Variants in CRYBG2 observed in about 807,000 individuals in gnomAD.
CRYBG2 encodes the protein beta/gamma crystallin domain-containing protein 2.
CRYBG2 carries 106 observed loss-of-function variants against 153.4 expected under a neutral mutation model. The observed-to-expected ratio is 0.69, with a 90% confidence interval of 0.59 to 0.81. The LOEUF (loss-of-function observed/expected upper bound fraction) is 0.81. Among genes scored for constraint, CRYBG2 ranks in the 30% least tolerant of loss-of-function variants. The pLI, the probability that CRYBG2 is intolerant of heterozygous loss-of-function variation, is 0.00. For missense variants in CRYBG2, 1,996 were observed against 2,112.0 expected (o/e 0.95, Z 1.08); for synonymous variants, 851 against 877.8 (o/e 0.97, Z 0.54).
chr1:26,345,336 G>T lies in CRYBG2; in HGVS notation c.1322C>A (p.Ser441Tyr), dbSNP rs2074199453. ...PSPGGLSAPSSPRNKFVQNSE... is the reference protein window; with the variant it reads ...PSPGGLSAPSYPRNKFVQNSE... ...GTTCTGAACAAACTTATTCCTTGGG[G>T]ACGATGGAGCAGAAAGACCTCCTGG... Residue 441 changes from serine to tyrosine, a missense_variant, in exon 2 of 20, where the codon TCC (serine) becomes TAC (tyrosine). Coordinates refer to ENST00000308182, the MANE Select transcript of CRYBG2 (RefSeq NM_001039775.4). The T allele has an allele frequency of 4.3e-6, 7 of 1,613,418 alleles. No homozygotes were observed. The highest frequency in any genetic ancestry group is 5.9e-6 in the Non-Finnish European group (7 of 1,179,908).
Position 26,346,863 on chromosome 1 carries a change from A to T in CRYBG2, c.-55-151T>A, listed in dbSNP as rs2074229544. 6.6e-6 allele frequency among the ~76,000 whole-genome samples: 1 copy of T among 152,220 alleles called. No homozygotes were observed. The highest frequency in any genetic ancestry group is 6.5e-5 in the Admixed American group (1 of 15,286). On this transcript the variant is annotated intron_variant, in intron 1 of 19. Coordinates refer to ENST00000308182, the MANE Select transcript of CRYBG2 (RefSeq NM_001039775.4). The surrounding 1 kb of genome is among the most constrained non-coding windows in gnomAD (Gnocchi z 4.9). The stretch of plus-strand genomic sequence containing the variant: ...TTGCTTTCTCATCTGTGAAATGGGC[A>T]TGGTAGTCTCAGCTCTGATTTGGTT...
In CRYBG2 at chr1:26,344,930, G is replaced by A. The variant is rs907104906; in HGVS notation, c.1728C>T (p.Ser576=). The change falls in exon 2 of 20, where the codon TCC becomes TCT. Residue 576 remains serine, a synonymous_variant. Transcript: ENST00000308182. ...VQGSGAPAAL[S]TTPKEVVKGP... ...CCTTCACAACCTCTTTTGGGGTGGT[G>A]GACAAGGCAGCAGGAGCACCAGACC... is the stretch of plus-strand genomic sequence containing the variant. The A allele has an allele frequency of 3.9e-6, 6 of 1,537,940 alleles. No individual in the cohort carries two copies. In the African/African-American group the frequency reaches 4.2e-5, roughly 11 times the overall value.
Position 26,343,170 on chromosome 1 carries a change from A to G in CRYBG2, c.2962-11T>C, listed in dbSNP as rs1293498829. On this transcript the variant is annotated splice_polypyrimidine_tract_variant and intron_variant, in intron 3 of 19. Coordinates refer to ENST00000308182, the MANE Select transcript of CRYBG2 (RefSeq NM_001039775.4). The surrounding 1 kb of genome is among the most constrained non-coding windows in gnomAD (Gnocchi z 4.1). ...TGAGAAGAAGATCACCTGAGAAGGC[A>G]CAGAAGGGGTCCTCAGGCCCTGACC... 1.3e-6 allele frequency: 2 copies of G among 1,550,588 alleles called. No homozygotes were observed. The highest frequency in any genetic ancestry group is 3.9e-5 in the Admixed American group (2 of 50,990).
chr1:26,325,317 G>A lies in CRYBG2; in HGVS notation c.4579-1007C>T, dbSNP rs1467152511. 2.6e-5 allele frequency among the ~76,000 whole-genome samples: 4 copies of A among 152,220 alleles called. No individual in the cohort carries two copies. The highest frequency in any genetic ancestry group is 9.6e-5 in the African/African-American group (4 of 41,468). ...TCACGCCTGTAATCCCAGCACTTTG[G>A]GAGGCCAAGGCGGGTGGATCACCTG... is the stretch of plus-strand genomic sequence containing the variant. On this transcript the variant is annotated intron_variant, in intron 17 of 19. Coordinates refer to ENST00000308182, the MANE Select transcript of CRYBG2 (RefSeq NM_001039775.4). The surrounding 1 kb of genome is among the most constrained non-coding windows in gnomAD (Gnocchi z 4.1).
In CRYBG2 at chr1:26,343,616, C is replaced by T; in HGVS notation, c.2913+129G>A. 1 of 1,244,576 alleles carries T rather than the reference C, an allele frequency of 8.0e-7. No individual in the cohort carries two copies. Among genetic ancestry groups the T allele is most frequent in the Non-Finnish European group, 1.1e-6 (1 of 930,208 alleles). The allele number at this position is 1,244,576 out of a possible 1,614,324, so 77.1% of individuals were successfully genotyped here. A position where few individuals can be genotyped will look rare whatever the true frequency, so the allele number is the denominator to read the frequency against. On this transcript the variant is annotated intron_variant, in intron 2 of 19. Coordinates refer to ENST00000308182, the MANE Select transcript of CRYBG2 (RefSeq NM_001039775.4). The surrounding 1 kb of genome is among the most constrained non-coding windows in gnomAD (Gnocchi z 4.1). ...GAGAGATGTGGCTTGCACAGGTCAA[C>T]TGAACCAGACTTCAGACAGAAGCCT...
intron 18 of CRYBG2, 101 bp from the exon 19 acceptor site, chr1:26,322,424 G>C: frequency 4.4e-6 from 6 of 1,361,134 alleles, no homozygotes; most frequent in Non-Finnish European, 4.9e-6. Flanking sequence ...GGCTCTTAGG[G>C]ACTGTGGCCC....
chr1:26,344,174 C>A lies in CRYBG2; in HGVS notation c.2484G>T (p.Glu828Asp). The change falls in exon 2 of 20, where the codon GAG becomes GAT. Residue 828 changes from glutamate (E) to aspartate (D), a missense_variant. Glu to Asp is a conservative substitution (Grantham distance 45). Coordinates refer to ENST00000308182, the MANE Select transcript of CRYBG2 (RefSeq NM_001039775.4). ...GGTTCTCTGGTTCCTCCTCCTCCTC[C>A]TCCTCTTTCTCTTCCAGTGAAGGCA... ...QEVPSLEEKE[E>D]EEEEEPENPY... The A allele has an allele frequency of 6.5e-7, 1 of 1,535,680 alleles. No homozygotes were observed. Among genetic ancestry groups the A allele is most frequent in the African/African-American group, 1.4e-5 (1 of 73,134 alleles).
chr1:26,349,095 G>T (rs891305997), intron 1 of CRYBG2, among the ~76,000 whole-genome samples: 1 of 151,918 alleles, frequency 6.6e-6, no homozygotes, highest in Admixed American at 6.6e-5. Context: ...CTTGAACCTG[G>T]GGGGCGGAGG....
chr1:26,324,212 G>T lies in CRYBG2; in HGVS notation c.4677C>A (p.Ala1559=). The change falls in exon 18 of 20, where the codon GCC becomes GCA. Residue 1559 remains alanine, a synonymous_variant. Transcript: ENST00000308182. ...TGCAGCTACCTCCAGCTTGGGGGTC[G>T]GCGACCACCACACGGCCTGCTTTCA... The part of the protein sequence containing the change: ...EDMKAGRVVV[A]DPQAGGSCIW... The T allele has an allele frequency of 2.5e-6, 4 of 1,613,106 alleles. No homozygotes were observed. Among genetic ancestry groups the T allele is most frequent in the Non-Finnish European group, 2.5e-6 (3 of 1,179,938 alleles).
At chr1:26,339,201 G>A (rs995296234) in intron 6 of CRYBG2, 89 bp downstream of exon 6, 6 of 1,503,938 alleles carry the variant, frequency 4.0e-6, no homozygotes, top group Admixed American at 4.1e-5. Flanking sequence ...CACTCCTGAA[G>A]GCAGGAACTG....
chr1:26,340,861 C>T (rs895173410), intron 5 of CRYBG2, among the ~76,000 whole-genome samples: 10 of 152,000 alleles, frequency 6.6e-5, no homozygotes, highest in African/African-American at 2.4e-4. Context: ...AGGTGATCCA[C>T]CTGCCTCAGC....
chr1:26,344,293 GGGCTCGT>G lies in CRYBG2; in HGVS notation c.2358_2364del (p.Arg787LeufsTer51). 1.3e-6 allele frequency: 2 copies of G among 1,514,892 alleles called. No individual in the cohort carries two copies. Among genetic ancestry groups the G allele is most frequent in the Non-Finnish European group, 1.8e-6 (2 of 1,133,274 alleles). 93.8% of individuals were successfully genotyped at this position (1,514,892 alleles called of 1,614,324 possible). ...TACATGGACAGGTAGGAGGAGCGAG[GGGCTCGT>G]GGCAGCCGGTGAGTGCGGAGGATCT... On this transcript the variant is annotated frameshift_variant, in exon 2 of 20. Transcript: ENST00000308182. LOFTEE classifies it high-confidence loss of function.
In CRYBG2 at chr1:26,337,290, T is replaced by A. The variant is rs2074072989; in HGVS notation, c.3734A>T (p.Tyr1245Phe). Residue 1245 changes from tyrosine to phenylalanine, a missense_variant, in exon 10 of 20, where the codon TAT becomes TTT. By Grantham distance (22) the Tyr-to-Phe change is conservative. Coordinates refer to ENST00000308182, the MANE Select transcript of CRYBG2 (RefSeq NM_001039775.4). ...CCGGAGGGAGGTCAGCAACTCGTCA[T>A]AGCCTCCCCAGTGTGACCAGTCTGG... Reference protein sequence around the residue: ...EYPDWSHWGGYDELLTSLRVI... With the variant: ...EYPDWSHWGGFDELLTSLRVI... 2 of 1,614,080 alleles carry A rather than the reference T, an allele frequency of 1.2e-6. No individual in the cohort carries two copies. The highest frequency in any genetic ancestry group is 1.3e-5 in the African/African-American group (1 of 75,008).
rs151107322 is a variant in CRYBG2, at chr1:26,322,352, G to T, written c.4738-29C>A. The T allele has an allele frequency of 2.2e-4, 356 of 1,597,642 alleles. 1 individual carries two copies. In the African/African-American group the frequency reaches 3.6e-3, roughly 16 times the overall value. Reference sequence around the variant, plus strand: ...AGGCCCCAGGAGGTCATCAGGCATTGTTCCTCCCCACAGGGACTCTACTGT... The same window carrying T: ...AGGCCCCAGGAGGTCATCAGGCATTTTTCCTCCCCACAGGGACTCTACTGT... On this transcript the variant is annotated intron_variant, in intron 18 of 19. Coordinates refer to ENST00000308182, the MANE Select transcript of CRYBG2 (RefSeq NM_001039775.4).
rs935030914 is a variant in CRYBG2 at position 26,327,054 on chromosome 1, C to T, written c.4578+1155G>A. 1.1e-5 allele frequency: 5 copies of T among 461,336 alleles called. No homozygotes were observed. The Admixed American group carries it at 1.1e-4, about 10-fold the overall frequency. 28.6% of individuals were successfully genotyped at this position (461,336 alleles called of 1,614,324 possible). On this transcript the variant is annotated intron_variant, in intron 17 of 19. Transcript: ENST00000308182. ...AAGCTAAATAAAAACTGGGCTGGGG[C>T]TGGGCACAGTGGTTCATGCCTGTAA...
intron 1 of CRYBG2, among the ~76,000 whole-genome samples, chr1:26,351,041 G>T (rs887100005): frequency 6.6e-6 from 1 of 152,202 alleles, no homozygotes. Context: ...ACTGCTGGTG[G>T]CTATGACAGT....
At chr1:26,332,403 A>G (rs1352816938) in intron 14 of CRYBG2, among the ~76,000 whole-genome samples, 1 of 152,170 alleles carries the variant, frequency 6.6e-6, no homozygotes, top group Non-Finnish European at 1.5e-5. Flanking sequence ...TGATCTCCAA[A>G]CAGATGAAAA....
At chr1:26,328,578 C>A in intron 16 of CRYBG2, 156 bp downstream of exon 16, 1 of 1,237,258 alleles carries the variant, frequency 8.1e-7, no homozygotes, top group South Asian at 1.5e-5. Context: ...GAGCCAGTGA[C>A]CCTTCTCAGT....
chr1:26,331,671 C>A, intron 14 of CRYBG2, 53 bp from the exon 15 acceptor site: 1 of 1,597,282 alleles, frequency 6.3e-7, no homozygotes, highest in Non-Finnish European at 8.5e-7. Flanking sequence ...CCTTGGCCTG[C>A]CCAGGTTCCC....
Sources: allele counts gnomAD v4.1 joint callset (sites outside exome capture counted in the v4.1 genomes callset), GRCh38; gene constraint gnomAD v4.1.1; non-coding constraint Gnocchi (gnomAD v3.1); transcripts MANE v1.5; gene names NCBI Gene and HGNC (gene_info 2026-07-23, HGNC 2026-07-21).